ADAMTS2: variants seen among roughly 807,000 people sequenced by gnomAD.
ADAMTS2 encodes A disintegrin and metalloproteinase with thrombospondin motifs 2.
A neutral mutation model predicts 123.0 loss-of-function variants in ADAMTS2; 50 were observed. The observed-to-expected ratio is 0.41, with a 90% CI of 0.32 to 0.51. ADAMTS2 has a LOEUF of 0.51. ADAMTS2 is among the 20% of genes least tolerant of loss of function. The pLI is 0.35. For synonymous variants in ADAMTS2, 678 were observed against 695.4 expected, an observed-to-expected ratio of 0.98 and a Z score of 0.39; for missense variants, 1,494 against 1,705.2, an observed-to-expected ratio of 0.88 and a Z score of 2.18.
intron 4 of ADAMTS2, among the ~76,000 whole-genome samples, chr5:179,186,167 G>A (rs895868598): frequency 5.9e-5 from 9 of 152,106 alleles, no homozygotes; most frequent in Admixed American, 2.0e-4. Context: ...ATCCTGCTCC[G>A]GAGCCCTCAA....
chr5:179,315,045 C>A (rs1449339808), intron 2 of ADAMTS2, among the ~76,000 whole-genome samples: 1 of 149,888 alleles, frequency 6.7e-6, no homozygotes, highest in Non-Finnish European at 1.5e-5. Flanking sequence ...CCCACCCCCC[C>A]CACAATCCCC....
intron 4 of ADAMTS2, among the ~76,000 whole-genome samples, 167 bp downstream of exon 4, chr5:179,207,346 C>T (rs1478182010): frequency 1.3e-5 from 2 of 152,314 alleles, no homozygotes; most frequent in Middle Eastern, 6.8e-3. Context: ...GTCAACTTGT[C>T]TCACCTGGGG....
intron 4 of ADAMTS2, among the ~76,000 whole-genome samples, chr5:179,206,760 C>T (rs1443977538): frequency 2.0e-5 from 3 of 152,222 alleles, no homozygotes; most frequent in African/African-American, 4.8e-5. Context: ...GTCTGCACAG[C>T]CTCCACCCAC....
At chr5:179,306,618 AC>A (rs1756680516) in intron 2 of ADAMTS2, among the ~76,000 whole-genome samples, 1 of 152,008 alleles carries the variant, frequency 6.6e-6, no homozygotes, top group South Asian at 2.1e-4. Context: ...CCCAGCACAG[AC>A]CCTCAGGCCA....
Position 179,113,422 on chromosome 5 carries a change from C to T in ADAMTS2, c.*445G>A, listed in dbSNP as rs73806886. The T allele has an allele frequency of 4.9e-3, 1,148 of 232,056 alleles. 10 individuals carry two copies. Among genetic ancestry groups the T allele is most frequent in the African/African-American group, 0.024 (1,085 of 44,382 alleles). 14.4% of individuals were successfully genotyped at this position (232,056 alleles called of 1,614,324 possible). A position where few individuals can be genotyped will look rare whatever the true frequency, so the allele number is the denominator to read the frequency against. ...CACTTCATTGTACTCATCTCGGCAA[C>T]GGGTCAGTTATTCAGTAAATCACCA... On this transcript the variant is annotated 3_prime_UTR_variant, in exon 22 of 22. Transcript: ENST00000251582.
rs758568513 is a variant in ADAMTS2 at position 179,260,529 on chromosome 5, C to G, written c.688+12382G>C. Among the ~76,000 whole-genome samples the G allele has an allele frequency of 6.6e-6, 1 of 152,132 alleles. No homozygotes were observed. The highest frequency in any genetic ancestry group is 2.4e-5 in the African/African-American group (1 of 41,414). On this transcript the variant is annotated intron_variant, in intron 3 of 21. Coordinates refer to ENST00000251582, the MANE Select transcript of ADAMTS2 (RefSeq NM_014244.5). This position sits in a 1 kb window ranked among gnomAD's most constrained non-coding sequence, Gnocchi z 4.2. Reference sequence around the variant, plus strand: ...ACAAACAGATGGGGTCACAGGCTACCGGGTTTTGCCAGCCCAGGCTCTGAG... The same window carrying G: ...ACAAACAGATGGGGTCACAGGCTACGGGGTTTTGCCAGCCCAGGCTCTGAG...
At chr5:179,337,522 G>A (rs1180015560) in intron 2 of ADAMTS2, among the ~76,000 whole-genome samples, 2 of 152,164 alleles carry the variant, frequency 1.3e-5, no homozygotes, top group Admixed American at 6.5e-5. Context: ...CCCAGGACAC[G>A]CACACGTCCA....
chr5:179,141,217 T>G (rs1367041112), intron 10 of ADAMTS2, among the ~76,000 whole-genome samples: 1 of 152,184 alleles, frequency 6.6e-6, no homozygotes, highest in Non-Finnish European at 1.5e-5. Flanking sequence ...CAAACTCTTC[T>G]CAGCAAACCA....
At chr5:179,319,815 G>T (rs12153310) in intron 2 of ADAMTS2, among the ~76,000 whole-genome samples, 1 of 151,782 alleles carries the variant, frequency 6.6e-6, no homozygotes, top group Non-Finnish European at 1.5e-5. Context: ...ACCAGCCCCC[G>T]CAGTCATTAC....
At chr5:179,190,188 A>G (rs1368181962) in intron 4 of ADAMTS2, among the ~76,000 whole-genome samples, 2 of 152,182 alleles carry the variant, frequency 1.3e-5, no homozygotes, top group African/African-American at 4.8e-5. Context: ...ACAAAATGAA[A>G]TAGTGGTGAA....
At chr5:179,318,595 G>A (rs1394562581) in intron 2 of ADAMTS2, among the ~76,000 whole-genome samples, 1 of 152,208 alleles carries the variant, frequency 6.6e-6, no homozygotes, top group African/African-American at 2.4e-5. Context: ...TTGGAATCTT[G>A]ACAGTTAGAA....
chr5:179,147,331 C>T (rs761994832), intron 10 of ADAMTS2, among the ~76,000 whole-genome samples: 2 of 152,128 alleles, frequency 1.3e-5, no homozygotes, highest in African/African-American at 2.4e-5. Flanking sequence ...TCAAGTAATC[C>T]GCCCACCTCG....
In ADAMTS2 at chr5:179,202,083, T is replaced by C. The variant is rs1006954241; in HGVS notation, c.891+5430A>G. On this transcript the variant is annotated intron_variant, in intron 4 of 21. Coordinates refer to ENST00000251582, the MANE Select transcript of ADAMTS2 (RefSeq NM_014244.5). This position sits in a 1 kb window ranked among gnomAD's most constrained non-coding sequence, Gnocchi z 4.0. Reference sequence around the variant, plus strand: ...ATAGAAAAGGGAATATCACGTCTTGTCTTTAACATAGACAGGAAGCAGCCC... The same window carrying C: ...ATAGAAAAGGGAATATCACGTCTTGCCTTTAACATAGACAGGAAGCAGCCC... Among the ~76,000 whole-genome samples, 1 of 152,304 alleles carries C rather than the reference T, an allele frequency of 6.6e-6. No homozygotes were observed. The highest frequency in any genetic ancestry group is 3.4e-3 in the Middle Eastern group (1 of 294).
intron 12 of ADAMTS2, among the ~76,000 whole-genome samples, chr5:179,137,515 G>A (rs1054334295): frequency 8.5e-5 from 13 of 152,236 alleles, no homozygotes; most frequent in African/African-American, 1.7e-4. Context: ...TGCCGAGCCC[G>A]CAGCCCGGCC....
chr5:179,116,965 T>C (rs1392738390), intron 21 of ADAMTS2, among the ~76,000 whole-genome samples: 2 of 152,172 alleles, frequency 1.3e-5, no homozygotes, highest in African/African-American at 2.4e-5. Context: ...CCAGGGGAGA[T>C]GCCAGAAATC....
At chr5:179,207,471 A>ACCCAACCCCCCCC in intron 4 of ADAMTS2, 42 bp downstream of exon 4, 4 of 1,026,474 alleles carry the variant, frequency 3.9e-6, no homozygotes, top group Non-Finnish European at 4.6e-6. Flanking sequence ...CCCCTGGTTG[A>ACCCAACCCCCCCC]CCCTCCCCGC....
rs1163973547 is a variant in ADAMTS2 at position 179,189,498 on chromosome 5, C to T, written c.892-8343G>A. 6.8e-6 allele frequency among the ~76,000 whole-genome samples: 1 copy of T among 145,990 alleles called. No individual in the cohort carries two copies. The highest frequency in any genetic ancestry group is 1.5e-5 in the Non-Finnish European group (1 of 66,956). On this transcript the variant is annotated intron_variant, in intron 4 of 21. Coordinates refer to ENST00000251582, the MANE Select transcript of ADAMTS2 (RefSeq NM_014244.5). The surrounding 1 kb of genome is among the most constrained non-coding windows in gnomAD (Gnocchi z 4.2). ...GAGTAGCTGGGGCTACAGGCGCCCG[C>T]CAGTGCGCCTGGTTTTTTTTTTTTT... is the stretch of plus-strand genomic sequence containing the variant.
intron 3 of ADAMTS2, among the ~76,000 whole-genome samples, chr5:179,226,246 T>G (rs915781365): frequency 4.7e-5 from 7 of 149,916 alleles, no homozygotes; most frequent in Non-Finnish European, 8.9e-5. Flanking sequence ...CTTCCTTTCT[T>G]TCTTTCTTCT....
chr5:179,122,778 AG>A lies in ADAMTS2; in HGVS notation c.2959-6del. The A allele has an allele frequency of 6.4e-7, 1 of 1,555,058 alleles. No individual in the cohort carries two copies. The highest frequency in any genetic ancestry group is 8.7e-7 in the Non-Finnish European group (1 of 1,149,686). ...GTTGCCACAGGTTACTGAGCACTGC[AG>A]GGGGAGAGTCGCCAGGCAGGGTTCA... On this transcript the variant is annotated splice_region_variant and splice_polypyrimidine_tract_variant and intron_variant, in intron 19 of 21. Transcript: ENST00000251582.
Sources: gnomAD v4.1 joint callset for allele counts (sites outside exome capture counted in the v4.1 genomes callset) on GRCh38, gnomAD v4.1.1 for gene constraint, Gnocchi (gnomAD v3.1) non-coding constraint, MANE v1.5 for transcripts, NCBI Gene and HGNC (gene_info 2026-07-23, HGNC 2026-07-21) for gene names.